Variants in WIPF1 observed in about 807,000 individuals in gnomAD.
The protein encoded by WIPF1 is WAS/WASL-interacting protein family member 1.
A neutral mutation model predicts 35.4 loss-of-function variants in WIPF1; 13 were observed. That is an observed-to-expected ratio of 0.37 (90% CI 0.24 to 0.58). WIPF1 has a LOEUF of 0.58. Ranked by LOEUF, WIPF1 falls within the 20% of genes least tolerant of loss-of-function variation. The probability of loss-of-function intolerance (pLI) is 0.74; values close to 1 mark genes in which losing one functional copy is unlikely to be tolerated. For missense variants in WIPF1, 591 were observed against 667.0 expected (o/e 0.89, Z 1.25); for synonymous variants, 267 against 266.3 (o/e 1.00, Z -0.02).
chr2:174,669,813 C>T (rs2105984639), intron 1 of WIPF1, among the ~76,000 whole-genome samples: 1 of 152,326 alleles, frequency 6.6e-6, no homozygotes, highest in Non-Finnish European at 1.5e-5. Flanking sequence ...GAGTTTGAGG[C>T]TGCAATGAGT....
chr2:174,619,766 A>T (rs952742356), intron 1 of WIPF1, among the ~76,000 whole-genome samples: 2 of 152,010 alleles, frequency 1.3e-5, no homozygotes, highest in African/African-American at 2.4e-5. Context: ...GTACAGTAAG[A>T]CCCTGTCTCT....
At position 174,581,460 on chromosome 2, in the gene WIPF1, C is replaced by T. The variant is rs766494186; in HGVS notation, c.52-21G>A. ...TTGGCCTGAAAGGGAGCCATACAAACAAGTAGTCATCTCTTGGGTTAAAAT... is the reference window on the plus strand; with the variant it reads ...TTGGCCTGAAAGGGAGCCATACAAATAAGTAGTCATCTCTTGGGTTAAAAT... On this transcript the variant is annotated intron_variant, in intron 2 of 7. Transcript: ENST00000679041. 2.5e-6 allele frequency: 4 copies of T among 1,611,506 alleles called. No individual in the cohort carries two copies. In the South Asian group the frequency reaches 4.4e-5, roughly 18 times the overall value.
intron 1 of WIPF1, among the ~76,000 whole-genome samples, chr2:174,650,559 C>T (rs1252806447): frequency 6.6e-6 from 1 of 152,198 alleles, no homozygotes; most frequent in Non-Finnish European, 1.5e-5. Context: ...TCTACTTTCA[C>T]TGAATCTTAA....
At chr2:174,631,761 G>A (rs916788619) in intron 1 of WIPF1, among the ~76,000 whole-genome samples, 1 of 152,172 alleles carries the variant, frequency 6.6e-6, no homozygotes, top group Non-Finnish European at 1.5e-5. Context: ...AACTCAAAAC[G>A]ATACCAAGGA....
chr2:174,680,128 T>C (rs1245363591), intron 1 of WIPF1, among the ~76,000 whole-genome samples: 1 of 152,250 alleles, frequency 6.6e-6, no homozygotes, highest in Non-Finnish European at 1.5e-5. Flanking sequence ...TCTGCCTGCA[T>C]ACCTGCTGTT....
At chr2:174,630,205 C>T (rs1430322326) in intron 1 of WIPF1, among the ~76,000 whole-genome samples, 1 of 152,182 alleles carries the variant, frequency 6.6e-6, no homozygotes, top group Non-Finnish European at 1.5e-5. Flanking sequence ...AATGAGTTAA[C>T]TTAAAATATG....
At chr2:174,634,283 GC>G (rs1256867633) in intron 1 of WIPF1, among the ~76,000 whole-genome samples, 1 of 152,208 alleles carries the variant, frequency 6.6e-6, no homozygotes, top group Non-Finnish European at 1.5e-5. Flanking sequence ...TCTTTCAGAA[GC>G]AGAGAAGTTC....
intron 1 of WIPF1, among the ~76,000 whole-genome samples, chr2:174,656,576 C>T (rs960960543): frequency 1.3e-5 from 2 of 152,194 alleles, no homozygotes; most frequent in Non-Finnish European, 2.9e-5. Context: ...GATATTCCTA[C>T]TCTTTTGTGA....
chr2:174,632,327 G>C (rs1205251737), intron 1 of WIPF1, among the ~76,000 whole-genome samples: 1 of 152,130 alleles, frequency 6.6e-6, no homozygotes, highest in Non-Finnish European at 1.5e-5. Flanking sequence ...CAGTGAAAGT[G>C]GAAAGATGGG....
At chr2:174,642,606 C>A (rs1215624749) in intron 1 of WIPF1, among the ~76,000 whole-genome samples, 1 of 151,576 alleles carries the variant, frequency 6.6e-6, no homozygotes, top group Non-Finnish European at 1.5e-5. Context: ...CTCGGCCTCC[C>A]AAAGTGCTGG....
upstream of WIPF1, among the ~76,000 whole-genome samples, chr2:174,599,237 G>C (rs776200456): frequency 5.3e-5 from 8 of 152,098 alleles, no homozygotes; most frequent in Admixed American, 2.6e-4. Flanking sequence ...CATTCAGTGG[G>C]TGGGGCCAGG....
At chr2:174,567,408 T>TCC (rs1289523565) in intron 6 of WIPF1, among the ~76,000 whole-genome samples, 1 of 152,236 alleles carries the variant, frequency 6.6e-6, no homozygotes, top group African/African-American at 2.4e-5. Context: ...GTGAGAGTGA[T>TCC]TAGGATCCAG....
chr2:174,639,561 T>G (rs1007871960), intron 1 of WIPF1, among the ~76,000 whole-genome samples: 2 of 151,366 alleles, frequency 1.3e-5, no homozygotes, highest in Non-Finnish European at 2.9e-5. Context: ...GTTTTTGGTT[T>G]TTTTGTTTTT....
chr2:174,600,986 A>G (rs1685988111), upstream of WIPF1, among the ~76,000 whole-genome samples: 1 of 123,944 alleles, frequency 8.1e-6, no homozygotes, highest in South Asian at 2.5e-4. Context: ...GTGCAGTGGC[A>G]TGACCTTGGT....
At chr2:174,567,005 A>T in intron 7 of WIPF1, 65 bp downstream of exon 7, 1 of 1,506,600 alleles carries the variant, frequency 6.6e-7, no homozygotes, top group South Asian at 1.1e-5. Flanking sequence ...GACTTTCTAT[A>T]TAGCCCGAGT....
chr2:174,568,564 A>C (rs927032556), intron 5 of WIPF1: 1 of 153,578 alleles, frequency 6.5e-6, no homozygotes, highest in African/African-American at 2.4e-5. Context: ...TGTGATGTAT[A>C]TGATCTGTTT....
intron 1 of WIPF1, among the ~76,000 whole-genome samples, chr2:174,672,146 A>C (rs187939538): frequency 6.6e-6 from 1 of 152,368 alleles, no homozygotes; most frequent in Admixed American, 6.5e-5. Context: ...TTAGGAAAAC[A>C]AAAAAGAACC....
At chr2:174,580,091 CA>C (rs1176456054) in intron 3 of WIPF1, among the ~76,000 whole-genome samples, 2 of 152,076 alleles carry the variant, frequency 1.3e-5, no homozygotes, top group African/African-American at 2.4e-5. Flanking sequence ...GCTGGGACTA[CA>C]GGCATGTGCC....
upstream of WIPF1, among the ~76,000 whole-genome samples, chr2:174,599,057 G>A (rs995409063): frequency 6.6e-6 from 1 of 152,176 alleles, no homozygotes; most frequent in Non-Finnish European, 1.5e-5. Flanking sequence ...CTGAATGTTG[G>A]GTCCTGATTC....
Sources: gnomAD v4.1 joint callset for allele counts (sites outside exome capture counted in the v4.1 genomes callset) on GRCh38, gnomAD v4.1.1 for gene constraint, MANE v1.5 for transcripts, NCBI Gene and HGNC (gene_info 2026-07-23, HGNC 2026-07-21) for gene names.